The following GNB1 variants were observed in gnomAD, a reference collection of about 807,000 sequenced individuals.
GNB1 encodes guanine nucleotide-binding protein G(I)/G(S)/G(T) subunit beta-1.
A neutral mutation model predicts 42.9 loss-of-function variants in GNB1; 2 were observed. The observed-to-expected ratio is 0.05, with a 90% CI of 0.02 to 0.15. The LOEUF is 0.15. Ranked by LOEUF, GNB1 falls within the 10% of genes least tolerant of loss-of-function variation. The pLI is 1.00. For synonymous variants in GNB1, 183 were observed against 174.7 expected (o/e 1.05, Z -0.38); for missense variants, 193 against 462.2 (o/e 0.42, Z 5.34).
intron 4 of GNB1, 95 bp from the exon 5 acceptor site, chr1:1,815,957 G>T: frequency 1.3e-6 from 1 of 751,274 alleles, no homozygotes; most frequent in East Asian, 2.7e-5. Flanking sequence ...CGCCCACTGT[G>T]CCTACCTCTT....
In GNB1 at chr1:1,790,179, C is replaced by A. The variant is rs981067382; in HGVS notation, c.699+216G>T. 6.6e-6 allele frequency among the ~76,000 whole-genome samples: 1 copy of A among 152,130 alleles called. No individual in the cohort carries two copies. Among genetic ancestry groups the A allele is most frequent in the Admixed American group, 6.5e-5 (1 of 15,270 alleles). The stretch of plus-strand genomic sequence containing the variant: ...CACTGCTCAGCTGTAGAGGTGGGAA[C>A]GGGGACTGGCATACAACACCCTGTG... On this transcript the variant is annotated intron_variant, in intron 9 of 11. Transcript: ENST00000378609. This position sits in a 1 kb window ranked among gnomAD's most constrained non-coding sequence, Gnocchi z 5.4.
At chr1:1,812,407 T>TAC (rs4012956) in intron 5 of GNB1, among the ~76,000 whole-genome samples, 115,048 of 146,174 alleles carry the variant, frequency 0.79, 46,833 homozygotes, top group Non-Finnish European at 0.91. Flanking sequence ...CACACATACA[T>TAC]ACACACACAC....
At position 1,817,867 on chromosome 1, in the gene GNB1, C is replaced by T. The variant is rs751238233; in HGVS notation, c.66G>A (p.Arg22=). 1 of 1,611,876 alleles carries T rather than the reference C, an allele frequency of 6.2e-7. No individual in the cohort carries two copies. Among genetic ancestry groups the T allele is most frequent in the Non-Finnish European group, 8.5e-7 (1 of 1,178,010 alleles). ...AGAGAGTTGCATCTGCACATGCTTT[C>T]CTGGCGTCCTGGGAAGCAAGGACAG... The part of the protein sequence containing the change: ...EQLKNQIRDA[R]KACADATLSQ... Residue 22 remains arginine (R), a synonymous_variant, in exon 4 of 12, where the codon AGG becomes AGA. Transcript: ENST00000378609.
chr1:1,859,181 C>T (rs954129193), intron 1 of GNB1, among the ~76,000 whole-genome samples: 1 of 151,882 alleles, frequency 6.6e-6, no homozygotes, highest in Non-Finnish European at 1.5e-5. Flanking sequence ...ACCACAAAGC[C>T]CGGCTAATTT....
chr1:1,811,758 A>T (rs1187681402), intron 5 of GNB1, among the ~76,000 whole-genome samples: 1 of 150,512 alleles, frequency 6.6e-6, no homozygotes, highest in East Asian at 2.0e-4. Context: ...AATCAAACAA[A>T]CACAGTTAAA....
intron 1 of GNB1, among the ~76,000 whole-genome samples, chr1:1,849,638 G>C (rs1393914180): frequency 2.0e-5 from 3 of 152,088 alleles, no homozygotes; most frequent in Non-Finnish European, 4.4e-5. Flanking sequence ...CTGGGCTCAA[G>C]TGAGTCTGCC....
chr1:1,789,656 T>C (rs1017821632), intron 9 of GNB1, among the ~76,000 whole-genome samples: 2 of 134,468 alleles, frequency 1.5e-5, no homozygotes, highest in Admixed American at 8.9e-5. Flanking sequence ...GATTGCACCA[T>C]TGCACCCCAG....
At chr1:1,867,266 A>C (rs916476642) in intron 1 of GNB1, among the ~76,000 whole-genome samples, 2 of 152,194 alleles carry the variant, frequency 1.3e-5, no homozygotes, top group African/African-American at 4.8e-5. Context: ...TCCACCAAAA[A>C]ACAACATTTT....
At chr1:1,840,978 G>A (rs1010136748) in intron 1 of GNB1, among the ~76,000 whole-genome samples, 9 of 152,106 alleles carry the variant, frequency 5.9e-5, no homozygotes, top group Admixed American at 3.9e-4. Flanking sequence ...TGGAACCTCC[G>A]ACTCACTGGT....
intron 1 of GNB1, among the ~76,000 whole-genome samples, chr1:1,848,544 G>A (rs995902080): frequency 1.3e-5 from 2 of 152,018 alleles, no homozygotes; most frequent in African/African-American, 4.8e-5. Flanking sequence ...AAATGAGAAG[G>A]AAGACCTTTA....
At chr1:1,792,908 A>C (rs1646500776) in intron 8 of GNB1, among the ~76,000 whole-genome samples, 1 of 152,022 alleles carries the variant, frequency 6.6e-6, no homozygotes, top group South Asian at 2.1e-4. Context: ...TCTACTAAAA[A>C]TACAAAAATT....
chr1:1,867,880 T>A (rs1649031562), intron 1 of GNB1, among the ~76,000 whole-genome samples: 1 of 152,202 alleles, frequency 6.6e-6, no homozygotes, highest in South Asian at 2.1e-4. Context: ...CCCAACTGAT[T>A]GTAAATGCTA....
chr1:1,853,142 G>A (rs1354324359), intron 1 of GNB1, among the ~76,000 whole-genome samples: 1 of 151,934 alleles, frequency 6.6e-6, no homozygotes, highest in Non-Finnish European at 1.5e-5. Context: ...TCAGCCTCTT[G>A]ATGGCTTACC....
intron 1 of GNB1, among the ~76,000 whole-genome samples, chr1:1,859,781 C>T (rs939364091): frequency 2.0e-5 from 3 of 151,324 alleles, no homozygotes; most frequent in Non-Finnish European, 2.9e-5. Flanking sequence ...GGCCGAGAGG[C>T]GGGCAAATCA....
At chr1:1,861,364 ACT>A (rs1491297149) in intron 1 of GNB1, among the ~76,000 whole-genome samples, 1 of 151,830 alleles carries the variant, frequency 6.6e-6, no homozygotes, top group Non-Finnish European at 1.5e-5. Flanking sequence ...CAGGAGGATC[ACT>A]GAGCCTCAGA....
chr1:1,845,897 T>C (rs980022799), intron 1 of GNB1, among the ~76,000 whole-genome samples: 8 of 148,488 alleles, frequency 5.4e-5, no homozygotes, highest in African/African-American at 1.5e-4. Context: ...TCTTGTCAAC[T>C]GAAAGGTCTG....
chr1:1,883,349 AAAGT>A (rs1649962876), intron 1 of GNB1, among the ~76,000 whole-genome samples: 1 of 152,186 alleles, frequency 6.6e-6, no homozygotes, highest in African/African-American at 2.4e-5. Flanking sequence ...GATTTAGTAG[AAAGT>A]AAGGCAGTAA....
intron 10 of GNB1, chr1:1,788,828 C>T (rs1346394302): frequency 3.5e-5 from 18 of 513,892 alleles, no homozygotes; most frequent in Non-Finnish European, 3.6e-6. Flanking sequence ...CTGACTCTCC[C>T]CAGAGCCCTC....
chr1:1,804,300 A>G (rs1646666955), intron 7 of GNB1, 119 bp downstream of exon 7: 1 of 733,254 alleles, frequency 1.4e-6, no homozygotes, highest in Non-Finnish European at 2.2e-6. Flanking sequence ...CTCCGCCTCA[A>G]AAAAAATAAT....
Sources: gnomAD v4.1 joint callset for allele counts (sites outside exome capture counted in the v4.1 genomes callset) on GRCh38, gnomAD v4.1.1 for gene constraint, Gnocchi (gnomAD v3.1) non-coding constraint, MANE v1.5 for transcripts, NCBI Gene and HGNC (gene_info 2026-07-23, HGNC 2026-07-21) for gene names.